Variants in LSP1 observed in about 807,000 individuals in gnomAD.
The protein encoded by LSP1 is lymphocyte specific protein 1, also known as lymphocyte-specific protein 1.
Under a neutral mutation model 49.3 loss-of-function variants are expected in LSP1, and 32 were observed. That is an observed-to-expected ratio of 0.65 (90% CI 0.49 to 0.87). LSP1 has a LOEUF of 0.87. Among genes scored for constraint, LSP1 ranks in the 40% least tolerant of loss-of-function variants. The pLI, the probability that LSP1 is intolerant of heterozygous loss-of-function variation, is 0.00. For synonymous variants in LSP1, 179 were observed against 178.8 expected (o/e 1.00, Z -0.01); for missense variants, 428 against 442.6 (o/e 0.97, Z 0.30).
chr11:1,871,337 C>T, intron 1 of LSP1: 1 of 986,132 alleles, frequency 1.0e-6, no homozygotes, highest in Middle Eastern at 5.2e-4. Context: ...CAGATGGGGG[C>T]AGAGATGTGA....
rs773105312 is a variant in LSP1 at position 1,886,857 on chromosome 11, G to A, written c.843G>A (p.Pro281=). ...AGGCTCAGTCTGCGGCCAAGACTCC[G>A]TCCTGCAAGGTAAGGTCCCCTCCAG... ...EVQAQSAAKT[P]SCKDIVAGDM... is the part of the protein sequence containing the mutation. The change falls in exon 8 of 11, where the codon CCG becomes CCA. Residue 281 remains proline, a synonymous_variant. Coordinates refer to ENST00000311604, the MANE Select transcript of LSP1 (RefSeq NM_002339.3). 38 of 1,611,192 alleles carry A rather than the reference G, an allele frequency of 2.4e-5. No homozygotes were observed. The highest frequency in any genetic ancestry group is 3.3e-5 in the South Asian group (3 of 90,984).
intron 1 of LSP1, among the ~76,000 whole-genome samples, chr11:1,872,352 G>A (rs1474199861): frequency 6.9e-6 from 1 of 143,988 alleles, no homozygotes; most frequent in Non-Finnish European, 1.5e-5. Flanking sequence ...GCCCATGCTG[G>A]TAGAGTTGGG....
Position 1,870,400 on chromosome 11 carries a change from C to G in LSP1, c.54-9687C>G, listed in dbSNP as rs141117920. The G allele has an allele frequency of 5.5e-5, 68 of 1,233,852 alleles. No individual in the cohort carries two copies. The East Asian group carries it at 3.5e-3, about 64-fold the overall frequency. The allele number at this position is 1,233,852 out of a possible 1,614,324, so 76.4% of individuals were successfully genotyped here. A position where few individuals can be genotyped will look rare whatever the true frequency, so the allele number is the denominator to read the frequency against. ...CGGCCCAGGGGCAGACTCTTTTCTG[C>G]TCTGCCATGTCTTCCCTGCACCCCC... On this transcript the variant is annotated intron_variant, in intron 1 of 10. Transcript: ENST00000311604.
chr11:1,882,960 C>T lies in LSP1; in HGVS notation c.357-459C>T, dbSNP rs1054542818. Among the ~76,000 whole-genome samples, 143 of 152,362 alleles carry T rather than the reference C, an allele frequency of 9.4e-4. 1 individual carries two copies. Among genetic ancestry groups the T allele is most frequent in the African/African-American group, 3.3e-3 (139 of 41,590 alleles). On this transcript the variant is annotated intron_variant, in intron 3 of 10. Transcript: ENST00000311604. ...TCAGTGACCTGGCCCCTACCCCTGCCTAGCCCTCCAAATGACCCAGCCTCC... is the reference window on the plus strand; with the variant it reads ...TCAGTGACCTGGCCCCTACCCCTGCTTAGCCCTCCAAATGACCCAGCCTCC...
chr11:1,876,576 AG>A, intron 1 of LSP1: 1 of 985,560 alleles, frequency 1.0e-6, no homozygotes, highest in Non-Finnish European at 1.2e-6. Flanking sequence ...AGCTGCCTGC[AG>A]GGGGCAGAGT....
chr11:1,858,717 C>A (rs1006405896), intron 1 of LSP1, among the ~76,000 whole-genome samples: 2 of 152,216 alleles, frequency 1.3e-5, no homozygotes, highest in Non-Finnish European at 2.9e-5. Context: ...CTACAGCCGG[C>A]CCAGCCCCCA....
rs1421339922 is a variant in LSP1 at position 1,887,533 on chromosome 11, G to A, written c.990G>A (p.Lys330=). The change falls in exon 10 of 11, where the codon AAG becomes AAA. Residue 330 remains lysine (K), a synonymous_variant. Coordinates refer to ENST00000311604, the MANE Select transcript of LSP1 (RefSeq NM_002339.3). ...CCACCGGGCATGGGAAGTATGAGAA[G>A]GTGCTTGTGGAAGGGGGCCCGGCTC... The part of the protein sequence containing the change: ...FVATGHGKYE[K]VLVEGGPAP 2.7e-5 allele frequency: 43 copies of A among 1,613,892 alleles called. No homozygotes were observed. Among genetic ancestry groups the A allele is most frequent in the Non-Finnish European group, 3.6e-5 (42 of 1,179,954 alleles).
intron 2 of LSP1, 184 bp from the exon 3 acceptor site, chr11:1,881,248 G>T: frequency 1.8e-6 from 1 of 565,980 alleles, no homozygotes; most frequent in Non-Finnish European, 3.0e-6. Flanking sequence ...AACTGACGGG[G>T]GAGGCATAGC....
intron 1 of LSP1, among the ~76,000 whole-genome samples, 199 bp from the exon 2 acceptor site, chr11:1,879,888 A>G (rs553429851): frequency 5.8e-4 from 89 of 152,258 alleles, no homozygotes; most frequent in Admixed American, 9.1e-4. Flanking sequence ...CCTGGGCCAG[A>G]GGGCACCTCA....
rs1468112438 is a variant in LSP1 at position 1,884,533 on chromosome 11, C to T, written c.669C>T (p.Pro223=). ...NSVKKSQPDL[P]ISKIDQWLEQ... is the part of the protein sequence containing the mutation. ...TGAAGAAATCCCAGCCAGACTTGCC[C>T]ATCTCCAAGATTGATCAGTGGCTGG... The change falls in exon 7 of 11, where the codon CCC becomes CCT. Residue 223 remains proline, a synonymous_variant. Transcript: ENST00000311604. The surrounding 1 kb of genome is among the most constrained non-coding windows in gnomAD (Gnocchi z 4.1). 1.9e-6 allele frequency: 3 copies of T among 1,613,816 alleles called. No homozygotes were observed. The African/African-American group carries it at 4.0e-5, about 22-fold the overall frequency.
In LSP1 at chr11:1,880,231, AGCCCCATAACGC is replaced by A; in HGVS notation, c.191+9_191+20del. Reference sequence around the variant, plus strand: ...GGCCGAAGCAGGAGATGCTGTGAGCAGCCCCATAACGCGTGCCTGGGCTCTAGCCCCTATCCG... The same window carrying A: ...GGCCGAAGCAGGAGATGCTGTGAGCAGTGCCTGGGCTCTAGCCCCTATCCG... On this transcript the variant is annotated splice_region_variant and intron_variant, in intron 2 of 10. Coordinates refer to ENST00000311604, the MANE Select transcript of LSP1 (RefSeq NM_002339.3). 2.5e-6 allele frequency: 4 copies of A among 1,585,650 alleles called. No homozygotes were observed. The highest frequency in any genetic ancestry group is 3.4e-6 in the Non-Finnish European group (4 of 1,162,988).
At chr11:1,853,501 C>T (rs1250271825) in intron 1 of LSP1, among the ~76,000 whole-genome samples, 1 of 152,204 alleles carries the variant, frequency 6.6e-6, no homozygotes, top group African/African-American at 2.4e-5. Flanking sequence ...GACCCCAAGA[C>T]GTGTCCTGGA....
chr11:1,887,385 G>T, intron 9 of LSP1, 71 bp downstream of exon 9: 1 of 1,567,238 alleles, frequency 6.4e-7, no homozygotes, highest in South Asian at 1.1e-5. Flanking sequence ...ACTGTCCTCT[G>T]TGCATCTGGG....
intron 1 of LSP1, chr11:1,870,960 C>G: frequency 1.0e-6 from 1 of 985,914 alleles, no homozygotes; most frequent in Non-Finnish European, 1.2e-6. Flanking sequence ...CGCAGCCGGG[C>G]TGTCGGTGGA....
intron 1 of LSP1, chr11:1,866,378 ATG>A (rs2133069418): frequency 8.7e-7 from 1 of 1,146,338 alleles, no homozygotes; most frequent in Admixed American, 2.9e-5. Context: ...AGGGATGCCC[ATG>A]GGGGTGAGCT....
chr11:1,870,652 T>C, intron 1 of LSP1: 1 of 1,082,764 alleles, frequency 9.2e-7, no homozygotes, highest in Non-Finnish European at 1.1e-6. Flanking sequence ...CGGCTGTGGC[T>C]CCCGCCCAGG....
intron 1 of LSP1, among the ~76,000 whole-genome samples, chr11:1,862,881 A>T (rs1278344659): frequency 6.6e-6 from 1 of 152,046 alleles, no homozygotes; most frequent in African/African-American, 2.4e-5. Flanking sequence ...GTCCAACCTG[A>T]GGTCCAGCCC....
At chr11:1,883,607 A>T (rs1357603849) in intron 4 of LSP1, 47 bp downstream of exon 4, 3 of 1,559,880 alleles carry the variant, frequency 1.9e-6, no homozygotes, top group Non-Finnish European at 2.6e-6. Flanking sequence ...CACCCCAGGG[A>T]TGAGTCTGCC....
intron 1 of LSP1, chr11:1,870,034 T>C (rs780667186): frequency 2.5e-5 from 10 of 406,684 alleles, no homozygotes; most frequent in Non-Finnish European, 5.2e-5. Flanking sequence ...GAGCCTCCGT[T>C]TGTGCATCTG....
Sources: gnomAD v4.1 joint callset for allele counts (sites outside exome capture counted in the v4.1 genomes callset) on GRCh38, gnomAD v4.1.1 for gene constraint, Gnocchi (gnomAD v3.1) non-coding constraint, MANE v1.5 for transcripts, NCBI Gene and HGNC (gene_info 2026-07-23, HGNC 2026-07-21) for gene names.